Variants in MEGF6 observed in about 807,000 individuals in gnomAD.
The protein encoded by MEGF6 is multiple EGF like domains 6.
MEGF6 carries 184 observed loss-of-function variants against 207.1 expected under a neutral mutation model. The ratio of observed to expected loss-of-function variants is 0.89; its 90% CI spans 0.79 to 1.00. The LOEUF (loss-of-function observed/expected upper bound fraction) is 1.00. Among genes scored for constraint, MEGF6 ranks in the 50% least tolerant of loss-of-function variants. The pLI, the probability that MEGF6 is intolerant of heterozygous loss-of-function variation, is 0.00. For missense variants in MEGF6, 2,282 were observed against 2,202.9 expected (o/e 1.04, Z -0.72); for synonymous variants, 1,038 against 910.0 (o/e 1.14, Z -2.53).
At chr1:3,610,932 G>A (rs1280662824) in intron 1 of MEGF6, among the ~76,000 whole-genome samples, 3 of 151,904 alleles carry the variant, frequency 2.0e-5, no homozygotes, top group African/African-American at 7.2e-5. Flanking sequence ...GGGGGGGAGG[G>A]GACACGGCGA....
chr1:3,557,485 G>A (rs916655750), intron 4 of MEGF6, among the ~76,000 whole-genome samples: 3 of 152,200 alleles, frequency 2.0e-5, no homozygotes, highest in South Asian at 2.1e-4. Flanking sequence ...CAAGCCCGGC[G>A]TCCAGGCTAC....
intron 29 of MEGF6, 141 bp from the exon 30 acceptor site, chr1:3,496,159 A>C (rs1490009827): frequency 3.2e-6 from 4 of 1,245,682 alleles, no homozygotes; most frequent in African/African-American, 3.0e-5. Context: ...GCCAACTCTC[A>C]TGCACCCACC....
intron 3 of MEGF6, among the ~76,000 whole-genome samples, chr1:3,591,456 C>T (rs942640383): frequency 1.3e-5 from 2 of 152,200 alleles, no homozygotes; most frequent in African/African-American, 4.8e-5. Context: ...TCACCCAGGC[C>T]TCCTCCTCTA....
the MEGF6 span, among the ~76,000 whole-genome samples, chr1:3,619,627 G>A: frequency 2.4e-5 from 1 of 41,510 alleles, no homozygotes; most frequent in East Asian, 5.5e-4. Flanking sequence ...CACCCCTGCC[G>A]CCATGCTTCC....
At chr1:3,535,787 C>T (rs532903452) in intron 4 of MEGF6, among the ~76,000 whole-genome samples, 18 of 152,318 alleles carry the variant, frequency 1.2e-4, no homozygotes, top group African/African-American at 3.1e-4. Flanking sequence ...AAGAGAAGTG[C>T]GGCCCAGGGG....
Position 3,490,958 on chromosome 1 carries a change from A to T in MEGF6, c.4518T>A (p.Gly1506=). 6.3e-7 allele frequency: 1 copy of T among 1,597,988 alleles called. No individual in the cohort carries two copies. Among genetic ancestry groups the T allele is most frequent in the Non-Finnish European group, 8.5e-7 (1 of 1,175,090 alleles). ...GGTTCTCGGGGAGCCGGAGGGGCCC[A>T]CCTGGAGGGGAGAGAGAGCAGGCCA... ...DGYMGPTCRE[G]GPLRLPENPS... The change falls in exon 36 of 37, where the codon GGT becomes GGA. Residue 1506 remains glycine (G), a splice_region_variant and synonymous_variant. Coordinates refer to ENST00000356575, the MANE Select transcript of MEGF6 (RefSeq NM_001409.4).
In MEGF6 at chr1:3,498,758, C is replaced by T; in HGVS notation, c.3163G>A (p.Asp1055Asn). Residue 1055 changes from aspartate (D) to asparagine (N), a missense_variant, in exon 25 of 37, where the codon GAC (aspartate) becomes AAC (asparagine). Asp to Asn is a conservative substitution (Grantham distance 23, BLOSUM62 1). Coordinates refer to ENST00000356575, the MANE Select transcript of MEGF6 (RefSeq NM_001409.4). ...CACGCACAGTGGCCTGAGACAGGGT[C>T]ACAGGTCCCTCCGTTCTGGCAGAGG... ...SCLCQNGGTC[D>N]PVSGHCACPE... The T allele has an allele frequency of 9.6e-6, 15 of 1,561,016 alleles. No homozygotes were observed. The highest frequency in any genetic ancestry group is 1.3e-5 in the Non-Finnish European group (15 of 1,153,696).
chr1:3,609,170 T>C (rs943691261), intron 1 of MEGF6, among the ~76,000 whole-genome samples: 9 of 152,192 alleles, frequency 5.9e-5, no homozygotes, highest in Non-Finnish European at 1.2e-4. Flanking sequence ...GGATCTGGCC[T>C]GCTCCTCTGG....
At position 3,493,647 on chromosome 1, in the gene MEGF6, G is replaced by A. The variant is rs1341533541; in HGVS notation, c.4387+124C>T. 5 of 1,339,432 alleles carry A rather than the reference G, an allele frequency of 3.7e-6. No individual in the cohort carries two copies. The South Asian group carries it at 4.3e-5, about 12-fold the overall frequency. 83.0% of individuals were successfully genotyped at this position (1,339,432 alleles called of 1,614,324 possible). On this transcript the variant is annotated intron_variant, in intron 34 of 36. Coordinates refer to ENST00000356575, the MANE Select transcript of MEGF6 (RefSeq NM_001409.4). ...CCCCCCCAGGGGGCACAGTCCAGGT[G>A]CAGAGGCAACAAGAGGGGTTGGTGG...
At chr1:3,524,956 CTCTATGGGT>C (rs1002815255) in intron 4 of MEGF6, among the ~76,000 whole-genome samples, 1 of 152,228 alleles carries the variant, frequency 6.6e-6, no homozygotes, top group African/African-American at 2.4e-5. Flanking sequence ...GGAAGGTCCT[CTCTATGGGT>C]TCATAGGGAG....
chr1:3,606,483 C>T lies in MEGF6; in HGVS notation c.132-3883G>A, dbSNP rs114947588. On this transcript the variant is annotated intron_variant, in intron 1 of 36. Transcript: ENST00000356575. ...TTAAGACGCGCAGGTTACTGAACCT[C>T]TGCCTCAGTTTCCTCACCTGTAAAA... Among the ~76,000 whole-genome samples, 823 of 152,326 alleles carry T rather than the reference C, an allele frequency of 5.4e-3. 6 individuals are homozygous for T. Among genetic ancestry groups the T allele is most frequent in the African/African-American group, 0.019 (798 of 41,570 alleles).
At chr1:3,506,946 AACGCT>A (rs1641141872) in intron 14 of MEGF6, among the ~76,000 whole-genome samples, 1 of 152,250 alleles carries the variant, frequency 6.6e-6, no homozygotes. Context: ...GTGACCCCTC[AACGCT>A]GCAGGCAGCC....
Position 3,499,190 on chromosome 1 carries a change from G to C in MEGF6, c.3042C>G (p.Val1014=). 1 of 1,604,346 alleles carries C rather than the reference G, an allele frequency of 6.2e-7. No homozygotes were observed. The highest frequency in any genetic ancestry group is 8.5e-7 in the Non-Finnish European group (1 of 1,176,702). The part of the protein sequence containing the change: ...ACFNGASCDP[V]HGQCHCAPGW... Reference sequence around the variant, plus strand: ...CAGGGGCACAGTGGCACTGCCCGTGGACAGGGTCACAGGAGGCCCCGTTAA... The same window carrying C: ...CAGGGGCACAGTGGCACTGCCCGTGCACAGGGTCACAGGAGGCCCCGTTAA... Residue 1014 remains valine, a synonymous_variant, in exon 24 of 37, where the codon GTC becomes GTG. Transcript: ENST00000356575.
chr1:3,497,603 A>G (rs1300171965), intron 26 of MEGF6: 1 of 683,296 alleles, frequency 1.5e-6, no homozygotes, highest in East Asian at 2.8e-5. Context: ...GTGAGGCCCG[A>G]ATGTGCCCTT....
At chr1:3,561,849 A>C (rs1458836711) in intron 4 of MEGF6, among the ~76,000 whole-genome samples, 1 of 152,258 alleles carries the variant, frequency 6.6e-6, no homozygotes, top group East Asian at 1.9e-4. Context: ...TCTACAAACC[A>C]GCCTCCAAAA....
At chr1:3,490,632 GTGCTC>G (rs777741732) in intron 36 of MEGF6, 43 bp from the exon 37 acceptor site, 1 of 1,601,902 alleles carries the variant, frequency 6.2e-7, no homozygotes, top group South Asian at 1.1e-5. Flanking sequence ...GGTGGGGCGG[GTGCTC>G]CCAGAACAGA....
At chr1:3,601,546 G>C (rs1039953653) in intron 2 of MEGF6, among the ~76,000 whole-genome samples, 1 of 152,146 alleles carries the variant, frequency 6.6e-6, no homozygotes, top group Non-Finnish European at 1.5e-5. Flanking sequence ...TCGTCTGTTC[G>C]GGGGGTCGTC....
At chr1:3,500,920 G>A (rs776070281) in intron 20 of MEGF6, 46 bp downstream of exon 20, 26 of 1,610,094 alleles carry the variant, frequency 1.6e-5, no homozygotes, top group Non-Finnish European at 1.9e-5. Flanking sequence ...CAGGGGCTAG[G>A]AAAGGAGGGA....
rs78042623 is a variant in MEGF6 at position 3,496,003 on chromosome 1, C to T, written c.3758G>A (p.Arg1253His). The change falls in exon 30 of 37, where the codon CGC becomes CAC. Residue 1253 changes from arginine to histidine, a missense_variant. By Grantham distance (29) the Arg-to-His change is conservative (BLOSUM62 0). Coordinates refer to ENST00000356575, the MANE Select transcript of MEGF6 (RefSeq NM_001409.4). ...TDCNLTCPQGRFGPNCTHVCG... is the reference protein window; with the variant it reads ...TDCNLTCPQGHFGPNCTHVCG... ...CACGTGGGTGCAGTTGGGGCCGAAG[C>T]GGCCCTGCGGACAGGCTGCCGGGGA... 1.9e-4 allele frequency: 296 copies of T among 1,534,298 alleles called. 1 individual carries two copies. The East Asian group carries it at 6.2e-3, about 32-fold the overall frequency.
Sources: allele counts gnomAD v4.1 joint callset (sites outside exome capture counted in the v4.1 genomes callset), GRCh38; gene constraint gnomAD v4.1.1; transcripts MANE v1.5; gene names NCBI Gene and HGNC (gene_info 2026-07-23, HGNC 2026-07-21).